Variants in LINGO2 observed in about 807,000 individuals in gnomAD.
LINGO2 encodes the protein leucine-rich repeat and immunoglobulin-like domain-containing nogo receptor-interacting protein 2.
LINGO2 carries 14 observed loss-of-function variants against 30.6 expected under a neutral mutation model. That is an observed-to-expected ratio of 0.46 (90% confidence interval 0.30 to 0.72). The LOEUF (loss-of-function observed/expected upper bound fraction) is 0.72, where lower values mean the gene tolerates loss of function less well. Among genes scored for constraint, LINGO2 ranks in the 30% least tolerant of loss-of-function variants. LINGO2 has a pLI of 0.07. For missense variants in LINGO2, 729 were observed against 751.7 expected (o/e 0.97, Z 0.35); for synonymous variants, 317 against 288.5 (o/e 1.10, Z -1.00).
At chr9:28,213,853 T>C (rs1046046332) in intron 4 of LINGO2, among the ~76,000 whole-genome samples, 2 of 151,500 alleles carry the variant, frequency 1.3e-5, no homozygotes, top group South Asian at 2.1e-4. Context: ...ATTTGCTCGA[T>C]GGAAAAAATG....
rs1189506659 is a variant in LINGO2, at chr9:28,363,277, C to T, written c.-246+9559G>A. Among the ~76,000 whole-genome samples, 3 of 152,230 alleles carry T rather than the reference C, an allele frequency of 2.0e-5. No individual in the cohort carries two copies. In the East Asian group the frequency reaches 5.8e-4, roughly 29 times the overall value. On this transcript the variant is annotated intron_variant, in intron 3 of 5. Transcript: ENST00000379992. The stretch of plus-strand genomic sequence containing the variant: ...TCAATGATAAGTGAAACAGCCATGA[C>T]ATATACACATTAGTCCTATTGAGAA...
intron 4 of LINGO2, among the ~76,000 whole-genome samples, chr9:28,025,814 C>T (rs191273970): frequency 8.5e-5 from 13 of 152,242 alleles, no homozygotes; most frequent in East Asian, 1.9e-4. Context: ...GATATCGGTG[C>T]CACTGCTGAG....
chr9:29,021,619 T>C, the LINGO2 span, among the ~76,000 whole-genome samples: 2,447 of 149,418 alleles, frequency 0.016, 74 homozygotes, highest in African/African-American at 0.057. Context: ...ATCGCTCCAC[T>C]GCACTCCAGC....
the LINGO2 span, among the ~76,000 whole-genome samples, chr9:29,109,640 T>C: frequency 6.6e-6 from 1 of 152,240 alleles, no homozygotes; most frequent in Non-Finnish European, 1.5e-5. Context: ...AAAGTGGATA[T>C]GGCAGGAAAG....
intron 1 of LINGO2, among the ~76,000 whole-genome samples, chr9:28,638,650 G>C (rs958569764): frequency 2.0e-5 from 3 of 152,048 alleles, no homozygotes; most frequent in Non-Finnish European, 4.4e-5. Flanking sequence ...GTATTTCTGT[G>C]GGATCGGCGG....
At chr9:28,095,318 C>T (rs932931508) in intron 4 of LINGO2, among the ~76,000 whole-genome samples, 7 of 152,020 alleles carry the variant, frequency 4.6e-5, no homozygotes, top group Non-Finnish European at 8.8e-5. Flanking sequence ...AACCGCAGCA[C>T]CAATGTTGTT....
intron 1 of LINGO2, among the ~76,000 whole-genome samples, chr9:28,476,607 G>A (rs1343364565): frequency 6.6e-6 from 1 of 152,176 alleles, no homozygotes; most frequent in African/African-American, 2.4e-5. Flanking sequence ...GATGAATAAA[G>A]GAAACTCATG....
the LINGO2 span, among the ~76,000 whole-genome samples, chr9:29,156,718 A>C: frequency 6.6e-6 from 1 of 152,066 alleles, no homozygotes; most frequent in Non-Finnish European, 1.5e-5. Context: ...CTTCTTAGAC[A>C]GGTCTTTGAG....
chr9:28,819,353 C>A, the LINGO2 span, among the ~76,000 whole-genome samples: 1 of 152,090 alleles, frequency 6.6e-6, no homozygotes, highest in African/African-American at 2.4e-5. Flanking sequence ...ATCCTTCTTC[C>A]CCTCCCCTCC....
intron 1 of LINGO2, among the ~76,000 whole-genome samples, chr9:28,518,182 A>G (rs1048161051): frequency 2.0e-5 from 3 of 152,196 alleles, no homozygotes; most frequent in South Asian, 2.1e-4. Flanking sequence ...CATTTTAAAA[A>G]TGAGAAAATG....
the LINGO2 span, among the ~76,000 whole-genome samples, chr9:28,747,610 C>T: frequency 2.0e-5 from 3 of 152,100 alleles, no homozygotes; most frequent in Admixed American, 2.0e-4. Context: ...GGCTCCTGCA[C>T]CTGCCCGTCT....
chr9:28,696,859 A>T, the LINGO2 span, among the ~76,000 whole-genome samples: 1 of 151,870 alleles, frequency 6.6e-6, no homozygotes, highest in Non-Finnish European at 1.5e-5. Flanking sequence ...AGGAGGTTAG[A>T]TTTTGTCCTG....
chr9:29,137,498 T>C, the LINGO2 span, among the ~76,000 whole-genome samples: 1 of 152,184 alleles, frequency 6.6e-6, no homozygotes, highest in Non-Finnish European at 1.5e-5. Flanking sequence ...ACATTACTAC[T>C]GCTCTAGGTA....
At chr9:28,926,649 T>C in the LINGO2 span, among the ~76,000 whole-genome samples, 2 of 152,182 alleles carry the variant, frequency 1.3e-5, no homozygotes, top group African/African-American at 4.8e-5. Context: ...TTGCTTTTTT[T>C]AATATGGTTA....
chr9:28,648,432 A>G (rs1040057492), intron 1 of LINGO2, among the ~76,000 whole-genome samples: 3 of 152,104 alleles, frequency 2.0e-5, no homozygotes, highest in African/African-American at 7.2e-5. Context: ...TTTAAGGAGC[A>G]TTTATTAAGC....
chr9:28,643,177 G>GA (rs1374067340), intron 1 of LINGO2, among the ~76,000 whole-genome samples: 2 of 151,640 alleles, frequency 1.3e-5, no homozygotes, highest in African/African-American at 4.8e-5. Flanking sequence ...CAAAGAAAGA[G>GA]AAAAAAATGA....
the LINGO2 span, among the ~76,000 whole-genome samples, chr9:28,882,803 G>C: frequency 1.3e-3 from 194 of 152,208 alleles, no homozygotes; most frequent in Non-Finnish European, 2.0e-3. Context: ...TCATCACCAA[G>C]TCAATTAATT....
intron 4 of LINGO2, among the ~76,000 whole-genome samples, chr9:28,196,187 AAC>A (rs1409921425): frequency 2.0e-5 from 3 of 151,730 alleles, no homozygotes; most frequent in African/African-American, 7.2e-5. Context: ...ACATTGTTAA[AAC>A]ACACATTAAA....
intron 1 of LINGO2, among the ~76,000 whole-genome samples, chr9:28,548,718 A>G (rs1476310346): frequency 2.0e-5 from 3 of 150,570 alleles, no homozygotes; most frequent in Admixed American, 6.6e-5. Context: ...AAAAAAAAAA[A>G]AAAAAAAAAA....
Sources: gnomAD v4.1 joint callset for allele counts (sites outside exome capture counted in the v4.1 genomes callset) on GRCh38, gnomAD v4.1.1 for gene constraint, MANE v1.5 for transcripts, NCBI Gene and HGNC (gene_info 2026-07-23, HGNC 2026-07-21) for gene names.